SMARCAD1: variants seen among roughly 807,000 people sequenced by gnomAD.
SMARCAD1 encodes the protein SNF2 related chromatin remodeling ATPase with DExD box 1.
SMARCAD1 carries 25 observed loss-of-function variants against 127.1 expected under a neutral mutation model. That is an observed-to-expected ratio of 0.20 (90% CI 0.14 to 0.27). The LOEUF is 0.27. Ranked by LOEUF, SMARCAD1 falls within the 10% of genes least tolerant of loss-of-function variation. SMARCAD1 has a pLI of 1.00. For synonymous variants in SMARCAD1, 400 were observed against 396.9 expected (o/e 1.01, Z -0.09); for missense variants, 807 against 1,206.0 (o/e 0.67, Z 4.90).
intron 20 of SMARCAD1, 112 bp downstream of exon 20, chr4:94,280,892 C>T (rs1288852756): frequency 5.0e-6 from 5 of 1,006,090 alleles, no homozygotes; most frequent in Non-Finnish European, 7.6e-6. Flanking sequence ...CTGCATTCTT[C>T]CAGAACTTAG....
intron 3 of SMARCAD1, among the ~76,000 whole-genome samples, chr4:94,230,965 G>A (rs1745749052): frequency 6.6e-6 from 1 of 152,168 alleles, no homozygotes; most frequent in Non-Finnish European, 1.5e-5. Context: ...ACAATGTACA[G>A]GACAACACAG....
At chr4:94,235,804 A>C (rs1289004861) in intron 4 of SMARCAD1, among the ~76,000 whole-genome samples, 1 of 152,130 alleles carries the variant, frequency 6.6e-6, no homozygotes, top group Non-Finnish European at 1.5e-5. Flanking sequence ...TTGATTGCCA[A>C]TTTTTAATGT....
At position 94,283,408 on chromosome 4, in the gene SMARCAD1, G is replaced by C. The variant is rs886484861; in HGVS notation, c.2909+105G>C. On this transcript the variant is annotated intron_variant, in intron 22 of 23. Transcript: ENST00000354268. ...GTCCTGCCTTAGTTTTTGTTTTTTC[G>C]GCAAAGCATGGCTACTGATGTATTT... The C allele has an allele frequency of 3.1e-6, 3 of 976,780 alleles. No homozygotes were observed. The African/African-American group carries it at 4.8e-5, about 16-fold the overall frequency. 60.5% of individuals were successfully genotyped at this position (976,780 alleles called of 1,614,324 possible). A position where few individuals can be genotyped will look rare whatever the true frequency, so the allele number is the denominator to read the frequency against.
intron 2 of SMARCAD1, among the ~76,000 whole-genome samples, chr4:94,220,227 A>G (rs1373861213): frequency 6.6e-6 from 1 of 152,086 alleles, no homozygotes; most frequent in African/African-American, 2.4e-5. Flanking sequence ...TATATTATAA[A>G]CGGCTTTTAC....
chr4:94,267,664 G>A (rs1036067941), intron 10 of SMARCAD1, among the ~76,000 whole-genome samples: 2 of 151,904 alleles, frequency 1.3e-5, no homozygotes, highest in Middle Eastern at 3.4e-3. Context: ...ATAGCCTGTT[G>A]CCTCATTTTC....
intron 5 of SMARCAD1, among the ~76,000 whole-genome samples, chr4:94,237,790 A>G (rs1746921290): frequency 6.6e-6 from 1 of 152,164 alleles, no homozygotes; most frequent in South Asian, 2.1e-4. Flanking sequence ...ATTAGCACTT[A>G]CGTTTTCATT....
rs112344080 is a variant in SMARCAD1 at position 94,211,783 on chromosome 4, A to G, written c.190+3199A>G. On this transcript the variant is annotated intron_variant, in intron 2 of 23. Transcript: ENST00000354268. ...TGCCTGGAAGACTCTTCCTGCTGAT[A>G]TTTGCATATGACTCAGATGCTTTGT... 9.3e-3 allele frequency among the ~76,000 whole-genome samples: 1,415 copies of G among 152,224 alleles called. 16 individuals carry two copies. The highest frequency in any genetic ancestry group is 0.032 in the African/African-American group (1,318 of 41,522).
chr4:94,259,184 A>G (rs1308346291), intron 9 of SMARCAD1, among the ~76,000 whole-genome samples: 3 of 152,212 alleles, frequency 2.0e-5, no homozygotes, highest in Non-Finnish European at 2.9e-5. Flanking sequence ...AGAAGGGTCA[A>G]TATGATGGTG....
intron 6 of SMARCAD1, among the ~76,000 whole-genome samples, chr4:94,247,622 A>G (rs767002266): frequency 3.9e-5 from 6 of 152,194 alleles, no homozygotes; most frequent in Non-Finnish European, 8.8e-5. Context: ...ATTCCTGTCT[A>G]GTTCCAAACG....
At chr4:94,251,496 A>G (rs1383026243) in intron 8 of SMARCAD1, among the ~76,000 whole-genome samples, 2 of 152,206 alleles carry the variant, frequency 1.3e-5, no homozygotes, top group Non-Finnish European at 2.9e-5. Flanking sequence ...TTGATGGCAC[A>G]GAAAATGATA....
chr4:94,256,057 T>A (rs1379463817), intron 9 of SMARCAD1, among the ~76,000 whole-genome samples: 1 of 152,190 alleles, frequency 6.6e-6, no homozygotes, highest in Non-Finnish European at 1.5e-5. Flanking sequence ...ATCCACTTAC[T>A]GGATTTTTGT....
At chr4:94,286,746 T>C (rs540799157) in intron 23 of SMARCAD1, among the ~76,000 whole-genome samples, 18 of 152,312 alleles carry the variant, frequency 1.2e-4, no homozygotes, top group African/African-American at 3.8e-4. Flanking sequence ...TTTGTATAAA[T>C]TTGGTCAGTC....
At chr4:94,231,416 G>GA (rs1207082758) in intron 3 of SMARCAD1, among the ~76,000 whole-genome samples, 1 of 152,082 alleles carries the variant, frequency 6.6e-6, no homozygotes, top group Non-Finnish European at 1.5e-5. Context: ...TCTGAGACTG[G>GA]AAAAAAGAGC....
Position 94,289,519 on chromosome 4 carries a change from A to G in SMARCAD1, c.3066A>G (p.Thr1022=), listed in dbSNP as rs1316143462. The part of the protein sequence containing the change: ...MPADIATLLK[T]SMGL ...CAGATATAGCCACATTACTAAAAAC[A>G]TCAATGGGCCTGTGAAATAAGAACT... Residue 1022 remains threonine (T), a synonymous_variant, in exon 24 of 24, where the codon ACA becomes ACG. Transcript: ENST00000354268. 1.9e-6 allele frequency: 3 copies of G among 1,613,286 alleles called. No individual in the cohort carries two copies. Among genetic ancestry groups the G allele is most frequent in the Admixed American group, 3.3e-5 (2 of 60,024 alleles).
At chr4:94,240,431 C>T (rs1361467824) in intron 5 of SMARCAD1, among the ~76,000 whole-genome samples, 1 of 152,090 alleles carries the variant, frequency 6.6e-6, no homozygotes, top group African/African-American at 2.4e-5. Context: ...AAAATGTTAC[C>T]TACTTTGTAG....
chr4:94,221,713 C>T (rs1744163186), intron 2 of SMARCAD1, among the ~76,000 whole-genome samples: 1 of 152,174 alleles, frequency 6.6e-6, no homozygotes, highest in African/African-American at 2.4e-5. Flanking sequence ...CCAGAGATCA[C>T]TTCCAACTCC....
rs1238382283 is a variant in SMARCAD1, at chr4:94,250,765, T to A, written c.821T>A (p.Val274Glu). Residue 274 changes from valine (V) to glutamate (E), a missense_variant, in exon 8 of 24, where the codon GTA becomes GAA. Around this residue, in one of 8 missense-constraint regions of SMARCAD1, gnomAD observed 257 missense variants for 303.4 expected, o/e 0.85. Transcript: ENST00000354268. Reference protein sequence around the residue: ...PNFDKQELREVLKEHEWMYTE... With the variant: ...PNFDKQELREELKEHEWMYTE... Reference sequence around the variant, plus strand: ...ACTTATTTCTAGGAACTTAGAGAAGTACTCAAGGAACATGAATGGATGTAC... The same window carrying A: ...ACTTATTTCTAGGAACTTAGAGAAGAACTCAAGGAACATGAATGGATGTAC... The A allele has an allele frequency of 6.3e-7, 1 of 1,598,764 alleles. No homozygotes were observed. The highest frequency in any genetic ancestry group is 8.5e-7 in the Non-Finnish European group (1 of 1,174,806).
At position 94,208,041 on chromosome 4, in the gene SMARCAD1, A is replaced by G. The variant is rs1341341139; in HGVS notation, c.-79A>G. The G allele has an allele frequency of 4.3e-6, 2 of 462,446 alleles. No homozygotes were observed. The highest frequency in any genetic ancestry group is 3.9e-5 in the African/African-American group (2 of 50,770). The allele number at this position is 462,446 out of a possible 1,614,324, so 28.6% of individuals were successfully genotyped here. On this transcript the variant is annotated 5_prime_UTR_variant, in exon 1 of 24. Transcript: ENST00000354268. ...CGGGCGCGAGGCCCGCTAGGGGGTT[A>G]TACTGGGGAACGTGCCTGCGCGTGC...
At chr4:94,221,685 G>A (rs1453011232) in intron 2 of SMARCAD1, among the ~76,000 whole-genome samples, 1 of 152,172 alleles carries the variant, frequency 6.6e-6, no homozygotes, top group Non-Finnish European at 1.5e-5. Context: ...TAGTTTTCAT[G>A]AAGATGTTGT....
Sources: gnomAD v4.1 joint callset for allele counts (sites outside exome capture counted in the v4.1 genomes callset) on GRCh38, gnomAD v4.1.1 for gene constraint, gnomAD v4.1.1 regional missense constraint, MANE v1.5 for transcripts, NCBI Gene and HGNC (gene_info 2026-07-23, HGNC 2026-07-21) for gene names.